The following FOXP2 variants were observed in gnomAD, a reference collection of about 807,000 sequenced individuals.
FOXP2 encodes forkhead box P2.
FOXP2 carries 12 observed loss-of-function variants against 115.8 expected under a neutral mutation model. That is an observed-to-expected ratio of 0.10 (90% CI 0.07 to 0.17). The LOEUF is 0.17. Ranked by LOEUF, FOXP2 falls within the 10% of genes least tolerant of loss-of-function variation. The pLI is 1.00. For missense variants in FOXP2, 629 were observed against 843.5 expected (o/e 0.75, Z 3.15); for synonymous variants, 328 against 297.7 (o/e 1.10, Z -1.05).
intron 2 of FOXP2, among the ~76,000 whole-genome samples, chr7:114,369,076 C>T (rs1460682363): frequency 6.6e-6 from 1 of 152,172 alleles, no homozygotes; most frequent in Non-Finnish European, 1.5e-5. Context: ...TAGCTGGAAA[C>T]TCAGCCAGGG....
chr7:114,312,618 CAT>C (rs1452121185), intron 2 of FOXP2, among the ~76,000 whole-genome samples: 1 of 152,178 alleles, frequency 6.6e-6, no homozygotes, highest in Non-Finnish European at 1.5e-5. Context: ...TGGCAGGACA[CAT>C]GAGATGTCAG....
At chr7:114,194,301 C>A (rs1338699680) in intron 1 of FOXP2, among the ~76,000 whole-genome samples, 2 of 151,634 alleles carry the variant, frequency 1.3e-5, no homozygotes, top group African/African-American at 4.8e-5. Context: ...TGCTGCATTG[C>A]TTTTTGCCTT....
intron 2 of FOXP2, among the ~76,000 whole-genome samples, chr7:114,429,745 G>T (rs925344171): frequency 3.3e-5 from 5 of 151,434 alleles, no homozygotes; most frequent in African/African-American, 1.2e-4. Context: ...AAAACATCTG[G>T]TTAGTAGTTT....
At chr7:114,568,812 C>G (rs1206634794) in intron 3 of FOXP2, among the ~76,000 whole-genome samples, 1 of 151,700 alleles carries the variant, frequency 6.6e-6, no homozygotes, top group African/African-American at 2.4e-5. Flanking sequence ...TATTACTGTA[C>G]TTGTACATTA....
chr7:114,383,838 T>C (rs1290319615), intron 2 of FOXP2, among the ~76,000 whole-genome samples: 4 of 152,208 alleles, frequency 2.6e-5, no homozygotes, highest in South Asian at 2.1e-4. Flanking sequence ...TATTTTCCGA[T>C]GAGCATTAGT....
intron 1 of FOXP2, among the ~76,000 whole-genome samples, chr7:114,094,116 T>C (rs909496384): frequency 2.6e-5 from 4 of 152,258 alleles, no homozygotes; most frequent in African/African-American, 9.6e-5. Context: ...CTTTACTTCT[T>C]TGCATTGGAA....
chr7:114,551,456 T>C (rs1244014672), intron 3 of FOXP2, among the ~76,000 whole-genome samples: 4 of 152,208 alleles, frequency 2.6e-5, no homozygotes, highest in African/African-American at 9.6e-5. Flanking sequence ...TAAATTGGGT[T>C]TCTCTTTTTT....
chr7:114,433,119 G>A (rs1050103013), intron 2 of FOXP2, among the ~76,000 whole-genome samples: 12 of 151,850 alleles, frequency 7.9e-5, no homozygotes, highest in African/African-American at 2.9e-4. Context: ...AGAAGCTAGG[G>A]TGACGTTTAT....
At chr7:114,306,900 G>A (rs1397340337) in intron 2 of FOXP2, among the ~76,000 whole-genome samples, 2 of 151,998 alleles carry the variant, frequency 1.3e-5, no homozygotes, top group African/African-American at 4.8e-5. Context: ...TCTGACATTG[G>A]CCTCCTCTGC....
Position 114,642,570 on chromosome 7 carries a change from T to C in FOXP2, c.936T>C (p.Thr312=), listed in dbSNP as rs746130138. The part of the protein sequence containing the change: ...SNTSKASPPI[T]HHSIVNGQSS... ...CTTCCAAAGCATCACCACCAATAAC[T>C]CATCATTCCATAGTGAATGGACAGT... Residue 312 remains threonine (T), a synonymous_variant, in exon 7 of 17, where the codon ACT becomes ACC. Transcript: ENST00000350908. 2 of 1,613,676 alleles carry C rather than the reference T, an allele frequency of 1.2e-6. No individual in the cohort carries two copies. The highest frequency in any genetic ancestry group is 2.2e-5 in the East Asian group (1 of 44,822).
chr7:114,320,829 C>G (rs1236571188), intron 2 of FOXP2, among the ~76,000 whole-genome samples: 1 of 152,140 alleles, frequency 6.6e-6, no homozygotes, highest in Non-Finnish European at 1.5e-5. Context: ...TAGCTCCTGG[C>G]AAACTTGAAG....
At chr7:114,578,742 T>C (rs1801696620) in intron 3 of FOXP2, among the ~76,000 whole-genome samples, 1 of 152,134 alleles carries the variant, frequency 6.6e-6, no homozygotes, top group Admixed American at 6.5e-5. Flanking sequence ...GTGGTTTGTT[T>C]AGGACACTTT....
At chr7:114,596,626 G>C (rs907614659) in intron 3 of FOXP2, among the ~76,000 whole-genome samples, 1 of 151,996 alleles carries the variant, frequency 6.6e-6, no homozygotes, top group Non-Finnish European at 1.5e-5. Flanking sequence ...GTGACCAAAG[G>C]TGCACATGTA....
At chr7:114,643,836 G>A (rs1253455747) in intron 7 of FOXP2, among the ~76,000 whole-genome samples, 1 of 152,144 alleles carries the variant, frequency 6.6e-6, no homozygotes, top group East Asian at 1.9e-4. Flanking sequence ...GTAGTGGACT[G>A]ATAGTGTTCT....
At chr7:114,341,436 C>G (rs1178803399) in intron 2 of FOXP2, among the ~76,000 whole-genome samples, 3 of 151,100 alleles carry the variant, frequency 2.0e-5, no homozygotes, top group Non-Finnish European at 4.5e-5. Flanking sequence ...AATAGACATA[C>G]AAAAAGAAGA....
chr7:114,627,239 A>C (rs948704335), intron 3 of FOXP2, among the ~76,000 whole-genome samples: 1 of 151,786 alleles, frequency 6.6e-6, no homozygotes. Flanking sequence ...TTTGAACTGC[A>C]TTAAAAATAA....
intron 16 of FOXP2, among the ~76,000 whole-genome samples, chr7:114,678,511 T>C (rs911400454): frequency 2.6e-5 from 4 of 151,872 alleles, no homozygotes; most frequent in Admixed American, 2.0e-4. Flanking sequence ...CCCTACATGC[T>C]TTCTTTTTGG....
At chr7:114,391,319 G>T (rs1792595185) in intron 2 of FOXP2, among the ~76,000 whole-genome samples, 1 of 152,142 alleles carries the variant, frequency 6.6e-6, no homozygotes, top group South Asian at 2.1e-4. Context: ...GTCCTACCTT[G>T]CTTCTTCACT....
At chr7:114,340,279 C>T (rs1391079190) in intron 2 of FOXP2, among the ~76,000 whole-genome samples, 1 of 150,944 alleles carries the variant, frequency 6.6e-6, no homozygotes, top group Non-Finnish European at 1.5e-5. Flanking sequence ...GACTGAGTAG[C>T]TTTTATTATG....
Sources: allele counts gnomAD v4.1 joint callset (sites outside exome capture counted in the v4.1 genomes callset), GRCh38; gene constraint gnomAD v4.1.1; transcripts MANE v1.5; gene names NCBI Gene and HGNC (gene_info 2026-07-23, HGNC 2026-07-21).